IMMP2L: variants seen among roughly 807,000 people sequenced by gnomAD.
IMMP2L encodes the protein inner mitochondrial membrane peptidase subunit 2.
A neutral mutation model predicts 19.3 loss-of-function variants in IMMP2L; 18 were observed. The observed-to-expected ratio is 0.93, with a 90% CI of 0.64 to 1.38. IMMP2L has a LOEUF of 1.38. IMMP2L is among the 40% of genes most tolerant of loss of function. The pLI is 0.00. For missense variants in IMMP2L, 233 were observed against 218.2 expected, an observed-to-expected ratio of 1.07 and a Z score of -0.43; for synonymous variants, 76 against 73.0, an observed-to-expected ratio of 1.04 and a Z score of -0.21.
intron 3 of IMMP2L, among the ~76,000 whole-genome samples, chr7:111,149,993 C>A (rs1803898307): frequency 6.6e-6 from 1 of 152,106 alleles, no homozygotes; most frequent in South Asian, 2.1e-4. Flanking sequence ...GTCAGGGAGC[C>A]AAACCTTAAC....
chr7:111,038,701 A>G (rs947144615), intron 3 of IMMP2L, among the ~76,000 whole-genome samples: 10 of 152,188 alleles, frequency 6.6e-5, no homozygotes, highest in Non-Finnish European at 1.5e-4. Flanking sequence ...TATGTTAAAT[A>G]ATCTATGGAG....
chr7:110,772,666 G>A (rs1799113524), intron 5 of IMMP2L, among the ~76,000 whole-genome samples: 1 of 152,066 alleles, frequency 6.6e-6, no homozygotes, highest in Non-Finnish European at 1.5e-5. Context: ...CTTTAGACAA[G>A]GCTTAACAAG....
intron 5 of IMMP2L, among the ~76,000 whole-genome samples, chr7:110,800,913 T>C (rs1341173409): frequency 6.6e-6 from 1 of 152,056 alleles, no homozygotes; most frequent in African/African-American, 2.4e-5. Context: ...CCACAAGTCT[T>C]AGTCAGATAT....
chr7:111,124,905 A>G (rs754218305), intron 3 of IMMP2L: 1 of 1,503,110 alleles, frequency 6.7e-7, no homozygotes, highest in Non-Finnish European at 8.9e-7. Context: ...CCTAAAAACC[A>G]CCAAGGAAAC....
intron 3 of IMMP2L, among the ~76,000 whole-genome samples, chr7:111,094,742 G>A (rs917353001): frequency 2.0e-5 from 3 of 152,078 alleles, no homozygotes; most frequent in African/African-American, 4.8e-5. Context: ...AGACATCTAC[G>A]AAGTCACTAG....
chr7:110,990,567 A>G (rs1286327556), intron 3 of IMMP2L, among the ~76,000 whole-genome samples: 1 of 152,196 alleles, frequency 6.6e-6, no homozygotes, highest in African/African-American at 2.4e-5. Context: ...TAGAAATATC[A>G]TAGGCACTGG....
At chr7:110,905,439 C>T (rs1466534645) in intron 4 of IMMP2L, among the ~76,000 whole-genome samples, 1 of 151,868 alleles carries the variant, frequency 6.6e-6, no homozygotes, top group Non-Finnish European at 1.5e-5. Context: ...TCTTTCCCTT[C>T]AATTTTTTGT....
In IMMP2L at chr7:111,093,575, A is replaced by C. The variant is rs535264719; in HGVS notation, c.240-130010T>G. 8.5e-5 allele frequency among the ~76,000 whole-genome samples: 13 copies of C among 152,312 alleles called. No individual in the cohort carries two copies. The East Asian group carries it at 1.2e-3, about 14-fold the overall frequency. On this transcript the variant is annotated intron_variant, in intron 3 of 5. Transcript: ENST00000405709. ...CTAACCCGCCTTATTTTAAAATTGCAATAGATGACACCTAAGAACAGTGGA... is the reference window on the plus strand; with the variant it reads ...CTAACCCGCCTTATTTTAAAATTGCCATAGATGACACCTAAGAACAGTGGA...
intron 5 of IMMP2L, among the ~76,000 whole-genome samples, chr7:110,701,489 C>G (rs113133788): frequency 6.6e-6 from 1 of 151,884 alleles, no homozygotes; most frequent in Non-Finnish European, 1.5e-5. Context: ...GACGCAATCT[C>G]GGCTCACTAC....
chr7:111,388,561 C>A (rs551674142), intron 3 of IMMP2L, among the ~76,000 whole-genome samples: 11 of 151,940 alleles, frequency 7.2e-5, no homozygotes, highest in Non-Finnish European at 1.6e-4. Context: ...TAAAGACATA[C>A]CCAAAACTGG....
At chr7:111,329,044 C>T (rs1053331299) in intron 3 of IMMP2L, among the ~76,000 whole-genome samples, 1 of 151,770 alleles carries the variant, frequency 6.6e-6, no homozygotes, top group Admixed American at 6.6e-5. Context: ...ATAAAGCCTA[C>T]AATAATTTAA....
chr7:111,505,432 T>C (rs960212023), intron 2 of IMMP2L, among the ~76,000 whole-genome samples: 2 of 152,018 alleles, frequency 1.3e-5, no homozygotes, highest in African/African-American at 4.8e-5. Context: ...CTCAGGGATC[T>C]AGAACTAGAA....
At chr7:111,077,143 C>T (rs976492220) in intron 3 of IMMP2L, among the ~76,000 whole-genome samples, 1 of 152,110 alleles carries the variant, frequency 6.6e-6, no homozygotes, top group Non-Finnish European at 1.5e-5. Flanking sequence ...TATATTTTTG[C>T]AAAACAAAGC....
intron 3 of IMMP2L, among the ~76,000 whole-genome samples, chr7:111,409,788 G>C (rs1235628038): frequency 6.6e-6 from 1 of 151,658 alleles, no homozygotes. Flanking sequence ...TACATAACTA[G>C]AAAAGTGGAC....
intron 5 of IMMP2L, among the ~76,000 whole-genome samples, chr7:110,813,575 A>C (rs1420933429): frequency 6.6e-6 from 1 of 151,816 alleles, no homozygotes; most frequent in African/African-American, 2.4e-5. Context: ...CTACAGACGC[A>C]TGCCACCACA....
intron 3 of IMMP2L, among the ~76,000 whole-genome samples, chr7:111,047,203 T>C (rs959130883): frequency 6.7e-6 from 1 of 150,350 alleles, no homozygotes; most frequent in Non-Finnish European, 1.5e-5. Flanking sequence ...TTTTGTTTTT[T>C]TTGAGACAGA....
intron 1 of IMMP2L, among the ~76,000 whole-genome samples, chr7:111,538,826 A>G (rs1848142915): frequency 6.7e-6 from 1 of 148,262 alleles, no homozygotes; most frequent in Non-Finnish European, 1.5e-5. Flanking sequence ...TAAAAAAAAA[A>G]AAAAAAAAAA....
At chr7:110,865,413 T>C (rs1585072110) in intron 5 of IMMP2L, among the ~76,000 whole-genome samples, 1 of 152,110 alleles carries the variant, frequency 6.6e-6, no homozygotes, top group Admixed American at 6.6e-5. Flanking sequence ...ATTTCGCTCT[T>C]ACCAACTACA....
intron 3 of IMMP2L, among the ~76,000 whole-genome samples, chr7:111,016,846 TAA>T (rs1200735103): frequency 4.1e-4 from 35 of 86,250 alleles, no homozygotes; most frequent in African/African-American, 1.6e-3. Flanking sequence ...ATATTATATA[TAA>T]TATATATTAT....
Sources: allele counts gnomAD v4.1 joint callset (sites outside exome capture counted in the v4.1 genomes callset), GRCh38; gene constraint gnomAD v4.1.1; transcripts MANE v1.5; gene names NCBI Gene and HGNC (gene_info 2026-07-23, HGNC 2026-07-21).